The following UTRN variants were observed in gnomAD, a reference collection of about 807,000 sequenced individuals.
UTRN encodes the protein dystrophin-related protein 1.
In UTRN, 283 loss-of-function variants were observed where a neutral mutation model predicts 463.9. That is an observed-to-expected ratio of 0.61 (90% CI 0.55 to 0.67). The LOEUF is 0.67. Among genes scored for constraint, UTRN ranks in the 30% least tolerant of loss-of-function variants. The pLI is 0.00. For missense variants in UTRN, 3,922 were observed against 4,084.3 expected (o/e 0.96, Z 1.08); for synonymous variants, 1,442 against 1,431.5 (o/e 1.01, Z -0.17).
Position 144,538,531 on chromosome 6 carries a change from G to A in UTRN, c.6370-763G>A, listed in dbSNP as rs147885446. On this transcript the variant is annotated intron_variant, in intron 44 of 74. Transcript: ENST00000367545. ...AAATACAAAAAAAAATTAGCTGGCCGTGGTGGCAGGCGCATGTAGTCTCAG... is the reference window on the plus strand; with the variant it reads ...AAATACAAAAAAAAATTAGCTGGCCATGGTGGCAGGCGCATGTAGTCTCAG... 6.3e-3 allele frequency among the ~76,000 whole-genome samples: 957 copies of A among 151,896 alleles called. 7 individuals carry two copies. Among genetic ancestry groups the A allele is most frequent in the African/African-American group, 0.022 (921 of 41,410 alleles).
In UTRN at chr6:144,479,364, C is replaced by A. The variant is rs556902794; in HGVS notation, c.3337-448C>A. On this transcript the variant is annotated intron_variant, in intron 25 of 74. Coordinates refer to ENST00000367545, the MANE Select transcript of UTRN (RefSeq NM_007124.3). ...AAACTCCTGACCTCAGGTGATCCCC[C>A]TGCCGTGGCCTCCCAAAGTGCTGGG... 2.0e-5 allele frequency among the ~76,000 whole-genome samples: 3 copies of A among 152,266 alleles called. No individual in the cohort carries two copies. In the South Asian group the frequency reaches 6.2e-4, roughly 32 times the overall value.
At chr6:144,336,991 T>C (rs1168319796) in intron 2 of UTRN, among the ~76,000 whole-genome samples, 1 of 152,116 alleles carries the variant, frequency 6.6e-6, no homozygotes, top group Non-Finnish European at 1.5e-5. Flanking sequence ...GGCTTCCATG[T>C]AGTGTTTTTC....
intron 54 of UTRN, among the ~76,000 whole-genome samples, chr6:144,745,942 AT>A (rs965409978): frequency 1.3e-5 from 2 of 151,400 alleles, no homozygotes; most frequent in Admixed American, 6.6e-5. Context: ...TAGACATAAC[AT>A]TTTATATTTA....
At chr6:144,477,918 TCCAC>T (rs1330199605) in intron 25 of UTRN, among the ~76,000 whole-genome samples, 1 of 151,972 alleles carries the variant, frequency 6.6e-6, no homozygotes, top group Non-Finnish European at 1.5e-5. Context: ...TATCCATCCA[TCCAC>T]ATACATATGG....
chr6:144,317,747 C>T (rs1775375822), intron 2 of UTRN, among the ~76,000 whole-genome samples: 1 of 152,144 alleles, frequency 6.6e-6, no homozygotes, highest in South Asian at 2.1e-4. Flanking sequence ...GAGATTAGTA[C>T]CTTCTCTTAC....
At chr6:144,626,259 A>C (rs1170287756) in intron 51 of UTRN, among the ~76,000 whole-genome samples, 3 of 152,200 alleles carry the variant, frequency 2.0e-5, no homozygotes, top group Non-Finnish European at 1.5e-5. Context: ...AACATCTGAA[A>C]AACTCTCCTT....
At chr6:144,641,849 T>C (rs1431861346) in intron 51 of UTRN, among the ~76,000 whole-genome samples, 1 of 152,226 alleles carries the variant, frequency 6.6e-6, no homozygotes, top group African/African-American at 2.4e-5. Context: ...TAGTGATTGG[T>C]TGACTTTATG....
At chr6:144,560,520 C>G (rs1182410584) in intron 50 of UTRN, among the ~76,000 whole-genome samples, 2 of 152,052 alleles carry the variant, frequency 1.3e-5, no homozygotes, top group Non-Finnish European at 2.9e-5. Context: ...TATCTTCCAG[C>G]CTGTTCTTTA....
chr6:144,636,699 T>A (rs1777212061), intron 51 of UTRN, among the ~76,000 whole-genome samples: 1 of 152,224 alleles, frequency 6.6e-6, no homozygotes, highest in Non-Finnish European at 1.5e-5. Flanking sequence ...GTCATCTTTA[T>A]AGCTCACTCC....
At chr6:144,435,683 GT>G (rs1786468703) in intron 9 of UTRN, among the ~76,000 whole-genome samples, 1 of 152,128 alleles carries the variant, frequency 6.6e-6, no homozygotes, top group Non-Finnish European at 1.5e-5. Flanking sequence ...TGGGTTCTCT[GT>G]CCCTAACTAT....
chr6:144,482,194 C>A lies in UTRN; in HGVS notation c.3508-15C>A, dbSNP rs746712681. On this transcript the variant is annotated splice_polypyrimidine_tract_variant and intron_variant, in intron 26 of 74. Coordinates refer to ENST00000367545, the MANE Select transcript of UTRN (RefSeq NM_007124.3). The stretch of plus-strand genomic sequence containing the variant: ...GGAGACGTTTTTCAAGTTCATCCAT[C>A]CTTTCTTGGAACAGAGGGCAAAAGA... 3 of 1,425,826 alleles carry A rather than the reference C, an allele frequency of 2.1e-6. No homozygotes were observed. Among genetic ancestry groups the A allele is most frequent in the African/African-American group, 2.9e-5 (2 of 68,726 alleles). 88.3% of individuals were successfully genotyped at this position (1,425,826 alleles called of 1,614,324 possible). A position where few individuals can be genotyped will look rare whatever the true frequency, so the allele number is the denominator to read the frequency against.
chr6:144,412,718 G>A (rs1039282409), intron 3 of UTRN, among the ~76,000 whole-genome samples: 2 of 134,224 alleles, frequency 1.5e-5, no homozygotes, highest in Admixed American at 1.5e-4. Flanking sequence ...CACTATATAT[G>A]TTTGTGTGTG....
chr6:144,633,322 C>T (rs1247702273), intron 51 of UTRN, among the ~76,000 whole-genome samples: 1 of 151,730 alleles, frequency 6.6e-6, no homozygotes, highest in African/African-American at 2.4e-5. Flanking sequence ...CTCCGCCTCC[C>T]GGGTTCACGC....
At chr6:144,288,567 A>G (rs1182891497) in intron 1 of UTRN, among the ~76,000 whole-genome samples, 1 of 149,550 alleles carries the variant, frequency 6.7e-6, no homozygotes, top group African/African-American at 2.6e-5. Flanking sequence ...CTTGAATATA[A>G]TAAAATACAC....
At chr6:144,532,375 C>T (rs547665026) in intron 42 of UTRN, among the ~76,000 whole-genome samples, 2 of 152,238 alleles carry the variant, frequency 1.3e-5, no homozygotes, top group East Asian at 1.9e-4. Flanking sequence ...CCACAGGAAA[C>T]GTCCAGTCAT....
rs181931761 is a variant in UTRN at position 144,403,165 on chromosome 6, T to C, written c.122T>C (p.Ile41Thr). The change falls in exon 3 of 75, where the codon ATA (isoleucine) becomes ACA (threonine). Residue 41 changes from isoleucine to threonine, a missense_variant. Physicochemically the swap from Ile to Thr is moderately conservative, Grantham distance 89 (BLOSUM62 -1). Around this residue, in one of 3 missense-constraint regions of UTRN, gnomAD observed 264 missense variants for 327.9 expected, o/e 0.81. Transcript: ENST00000367545. Reference protein sequence around the residue: ...DVQKKTFTKWINARFSKSGKP... With the variant: ...DVQKKTFTKWTNARFSKSGKP... Reference sequence around the variant, plus strand: ...CAGAAGAAAACCTTTACCAAATGGATAAATGCTCGATTTTCAAAGGTAACT... The same window carrying C: ...CAGAAGAAAACCTTTACCAAATGGACAAATGCTCGATTTTCAAAGGTAACT... 1 of 1,613,574 alleles carries C rather than the reference T, an allele frequency of 6.2e-7. No homozygotes were observed. Among genetic ancestry groups the C allele is most frequent in the East Asian group, 2.2e-5 (1 of 44,820 alleles).
At chr6:144,294,821 C>G (rs995107766) in intron 2 of UTRN, among the ~76,000 whole-genome samples, 1 of 152,074 alleles carries the variant, frequency 6.6e-6, no homozygotes, top group Non-Finnish European at 1.5e-5. Flanking sequence ...AATTTTAAAG[C>G]CATTTCTACC....
intron 2 of UTRN, among the ~76,000 whole-genome samples, chr6:144,377,522 T>C (rs1465749705): frequency 6.6e-6 from 1 of 152,188 alleles, no homozygotes; most frequent in Admixed American, 6.5e-5. Context: ...ATTCAGAGCC[T>C]TGATGCTAGC....
At chr6:144,591,889 A>G (rs909549860) in intron 51 of UTRN, among the ~76,000 whole-genome samples, 1 of 152,194 alleles carries the variant, frequency 6.6e-6, no homozygotes, top group East Asian at 1.9e-4. Flanking sequence ...TTAAAGAGGT[A>G]GAGAAAAGGG....
Sources: gnomAD v4.1 joint callset for allele counts (sites outside exome capture counted in the v4.1 genomes callset) on GRCh38, gnomAD v4.1.1 for gene constraint, gnomAD v4.1.1 regional missense constraint, MANE v1.5 for transcripts, NCBI Gene and HGNC (gene_info 2026-07-23, HGNC 2026-07-21) for gene names.